BANK1: variants seen among roughly 807,000 people sequenced by gnomAD.
BANK1 encodes the protein B-cell scaffold protein with ankyrin repeats.
BANK1 carries 95 observed loss-of-function variants against 94.5 expected under a neutral mutation model. The observed-to-expected ratio is 1.00, with a 90% CI of 0.85 to 1.19. The LOEUF (loss-of-function observed/expected upper bound fraction) is 1.19. Ranked by LOEUF, BANK1 falls within the 50% of genes most tolerant of loss-of-function variation. The probability of loss-of-function intolerance (pLI) is 0.00; values close to 1 mark genes in which losing one functional copy is unlikely to be tolerated. For missense variants in BANK1, 987 were observed against 932.2 expected, an observed-to-expected ratio of 1.06 and a Z score of -0.77; for synonymous variants, 334 against 308.4, an observed-to-expected ratio of 1.08 and a Z score of -0.87.
intron 2 of BANK1, among the ~76,000 whole-genome samples, chr4:101,842,648 A>G (rs969184633): frequency 2.0e-5 from 3 of 152,240 alleles, no homozygotes; most frequent in African/African-American, 7.2e-5. Flanking sequence ...TTTCTTAGAT[A>G]TATACGTACT....
chr4:101,849,556 TAC>T (rs1405967022), intron 2 of BANK1, among the ~76,000 whole-genome samples: 1 of 152,090 alleles, frequency 6.6e-6, no homozygotes, highest in Non-Finnish European at 1.5e-5. Flanking sequence ...TATATATGTA[TAC>T]ACACACTCAT....
At chr4:101,808,608 C>T (rs868511812) in intron 1 of BANK1, among the ~76,000 whole-genome samples, 7 of 151,494 alleles carry the variant, frequency 4.6e-5, no homozygotes, top group Admixed American at 4.6e-4. Context: ...GCAAACTATG[C>T]GTCTGACAAA....
At chr4:101,851,811 A>C (rs534324448) in intron 2 of BANK1, among the ~76,000 whole-genome samples, 25 of 152,212 alleles carry the variant, frequency 1.6e-4, no homozygotes, top group East Asian at 9.6e-4. Flanking sequence ...ATTTTGTTTT[A>C]TAAAATAGGC....
chr4:102,035,153 A>G (rs986069180), intron 10 of BANK1, among the ~76,000 whole-genome samples: 1 of 152,196 alleles, frequency 6.6e-6, no homozygotes, highest in Admixed American at 6.5e-5. Context: ...ACTGATTCCT[A>G]AATTTATCCT....
intron 1 of BANK1, among the ~76,000 whole-genome samples, chr4:101,822,141 G>A (rs939227517): frequency 1.3e-5 from 2 of 152,070 alleles, no homozygotes; most frequent in African/African-American, 2.4e-5. Flanking sequence ...GATCACTTGA[G>A]CCCAGCAGTT....
chr4:101,956,741 A>T (rs1724357840), intron 7 of BANK1, among the ~76,000 whole-genome samples: 1 of 152,198 alleles, frequency 6.6e-6, no homozygotes, highest in Non-Finnish European at 1.5e-5. Context: ...AGAGAATAAA[A>T]AAAATGCTCC....
intron 2 of BANK1, among the ~76,000 whole-genome samples, chr4:101,852,916 G>A (rs1440165924): frequency 6.6e-6 from 1 of 152,062 alleles, no homozygotes; most frequent in African/African-American, 2.4e-5. Flanking sequence ...TACTGCCATG[G>A]TGGAATGACT....
intron 6 of BANK1, among the ~76,000 whole-genome samples, chr4:101,908,566 T>C (rs895234014): frequency 1.3e-5 from 2 of 152,086 alleles, no homozygotes; most frequent in Non-Finnish European, 2.9e-5. Flanking sequence ...GGTATCTAAT[T>C]AAACCAAAGA....
chr4:102,010,731 G>T (rs1578453978), intron 7 of BANK1, among the ~76,000 whole-genome samples: 1 of 152,108 alleles, frequency 6.6e-6, no homozygotes, highest in East Asian at 1.9e-4. Flanking sequence ...AAACCAAAAT[G>T]TCTACAAATA....
At chr4:102,052,105 CTTTTTTTCTTTTTTTTTT>C (rs1356599412) in intron 11 of BANK1, among the ~76,000 whole-genome samples, 2 of 131,290 alleles carry the variant, frequency 1.5e-5, no homozygotes, top group South Asian at 2.5e-4. Context: ...TAGATGTGTT[CTTTTTTTCTTTTTTTTTT>C]TTTTTTTTTT....
In BANK1 at chr4:101,996,539, A is replaced by G. The variant is rs924711163; in HGVS notation, c.1207-24975A>G. 2.6e-5 allele frequency among the ~76,000 whole-genome samples: 4 copies of G among 152,084 alleles called. No individual in the cohort carries two copies. The South Asian group carries it at 8.3e-4, about 32-fold the overall frequency. On this transcript the variant is annotated intron_variant, in intron 7 of 16. Coordinates refer to ENST00000322953, the MANE Select transcript of BANK1 (RefSeq NM_017935.5). ...TGGGCAGTATGACCATTTTCATTAT[A>G]TTGATTCTTCCTTTCTATGAGCATG...
intron 12 of BANK1, chr4:102,062,391 A>G (rs75066854): frequency 1.3e-5 from 2 of 152,388 alleles, no homozygotes; most frequent in Admixed American, 6.5e-5. Flanking sequence ...CTGTAAGGCA[A>G]TGGAAACAAT....
intron 6 of BANK1, among the ~76,000 whole-genome samples, chr4:101,901,136 G>A (rs1033456504): frequency 2.6e-5 from 4 of 152,160 alleles, no homozygotes; most frequent in African/African-American, 9.7e-5. Flanking sequence ...CATGGATCTA[G>A]GTACTCCCAA....
intron 7 of BANK1, among the ~76,000 whole-genome samples, chr4:102,011,469 T>C (rs1726509854): frequency 6.6e-6 from 1 of 152,160 alleles, no homozygotes; most frequent in South Asian, 2.1e-4. Flanking sequence ...CAGATGAGGC[T>C]CATTGTGCAG....
chr4:101,834,650 A>G (rs1166005505), intron 2 of BANK1, among the ~76,000 whole-genome samples: 1 of 152,182 alleles, frequency 6.6e-6, no homozygotes, highest in African/African-American at 2.4e-5. Context: ...TACAAAAAAA[A>G]ATGGGTGAAA....
At chr4:101,911,513 C>T (rs951155570) in intron 6 of BANK1, among the ~76,000 whole-genome samples, 2 of 148,596 alleles carry the variant, frequency 1.3e-5, no homozygotes, top group African/African-American at 4.9e-5. Context: ...GAAGAAGCCC[C>T]ATTGGGTTCA....
intron 10 of BANK1, among the ~76,000 whole-genome samples, chr4:102,037,319 C>T (rs941594695): frequency 1.3e-5 from 2 of 152,194 alleles, no homozygotes; most frequent in African/African-American, 4.8e-5. Flanking sequence ...TGTTAAGAAA[C>T]TCTTACTTGG....
intron 5 of BANK1, among the ~76,000 whole-genome samples, chr4:101,875,467 C>G (rs953764059): frequency 6.6e-6 from 1 of 152,040 alleles, no homozygotes; most frequent in South Asian, 2.1e-4. Context: ...GAAGGGGAAG[C>G]AAGGTACATT....
chr4:101,931,816 A>G (rs72686762), intron 7 of BANK1, among the ~76,000 whole-genome samples: 1,606 of 151,534 alleles, frequency 0.011, 18 homozygotes, highest in Non-Finnish European at 0.017. Flanking sequence ...GAATATTGAC[A>G]TGGAGAGAGG....
Sources: gnomAD v4.1 joint callset for allele counts (sites outside exome capture counted in the v4.1 genomes callset) on GRCh38, gnomAD v4.1.1 for gene constraint, MANE v1.5 for transcripts, NCBI Gene and HGNC (gene_info 2026-07-23, HGNC 2026-07-21) for gene names.